THSD4: variants seen among roughly 807,000 people sequenced by gnomAD.
The protein encoded by THSD4 is thrombospondin type 1 domain containing 4.
Under a neutral mutation model 119.0 loss-of-function variants are expected in THSD4, and 69 were observed. The observed-to-expected ratio is 0.58, with a 90% confidence interval of 0.48 to 0.71. The LOEUF (loss-of-function observed/expected upper bound fraction) is 0.71, where lower values mean the gene tolerates loss of function less well. Among genes scored for constraint, THSD4 ranks in the 30% least tolerant of loss-of-function variants. The pLI is 0.00. For missense variants in THSD4, 1,393 were observed against 1,391.1 expected (o/e 1.00, Z -0.02); for synonymous variants, 524 against 540.4 (o/e 0.97, Z 0.42).
intron 9 of THSD4, chr15:71,729,340 C>G (rs1431493985): frequency 6.6e-6 from 1 of 152,298 alleles, no homozygotes; most frequent in Non-Finnish European, 1.5e-5. Flanking sequence ...CAAAGGAAAC[C>G]ACTAGAATTC....
chr15:71,711,705 T>G (rs1338651001), intron 8 of THSD4, among the ~76,000 whole-genome samples: 1 of 152,000 alleles, frequency 6.6e-6, no homozygotes, highest in Non-Finnish European at 1.5e-5. Flanking sequence ...GGAAACACAT[T>G]TTTGAAAAGA....
chr15:71,654,407 T>C (rs2051149345), intron 7 of THSD4, among the ~76,000 whole-genome samples: 1 of 152,242 alleles, frequency 6.6e-6, no homozygotes, highest in Non-Finnish European at 1.5e-5. Flanking sequence ...ATAGATTAAC[T>C]GTTTCCTTAT....
chr15:71,716,561 G>GGTGTGTGCGTGTGTGTGTGT (rs2052612100), intron 8 of THSD4, among the ~76,000 whole-genome samples: 1 of 144,564 alleles, frequency 6.9e-6, no homozygotes, highest in Non-Finnish European at 1.5e-5. Flanking sequence ...TAGAGTGTGG[G>GGTGTGTGCGTGTGTGTGTGT]GTGTGTGTGT....
intron 7 of THSD4, among the ~76,000 whole-genome samples, chr15:71,563,855 G>A (rs111572276): frequency 1.7e-4 from 26 of 152,006 alleles, no homozygotes; most frequent in African/African-American, 4.3e-4. Context: ...TGACAAATGC[G>A]TATTGAGGCC....
chr15:71,112,695 GCT>G (rs2040315768), upstream of THSD4, among the ~76,000 whole-genome samples: 1 of 152,164 alleles, frequency 6.6e-6, no homozygotes, highest in Admixed American at 6.6e-5. Context: ...CATATTCTTG[GCT>G]CTCTCTTTCG....
chr15:71,333,562 G>A (rs1336554351), intron 6 of THSD4, among the ~76,000 whole-genome samples: 2 of 152,144 alleles, frequency 1.3e-5, no homozygotes, highest in Non-Finnish European at 2.9e-5. Flanking sequence ...GATTTGAGTG[G>A]CTGGCAACTG....
upstream of THSD4, chr15:71,112,404 G>A (rs1030957419): frequency 5.6e-6 from 3 of 540,438 alleles, no homozygotes; most frequent in Admixed American, 8.1e-5. Context: ...ACACATGACA[G>A]AAGAGTTATG....
At chr15:71,565,042 A>G (rs1314067293) in intron 7 of THSD4, among the ~76,000 whole-genome samples, 1 of 152,172 alleles carries the variant, frequency 6.6e-6, no homozygotes, top group African/African-American at 2.4e-5. Flanking sequence ...AACAAAAAAC[A>G]ACAACCAAAA....
intron 6 of THSD4, among the ~76,000 whole-genome samples, chr15:71,371,313 C>T (rs1010630792): frequency 1.3e-5 from 2 of 152,120 alleles, no homozygotes; most frequent in African/African-American, 4.8e-5. Flanking sequence ...GAATTTGATC[C>T]TGTCATTATG....
At chr15:71,217,604 C>T (rs544161548) in intron 4 of THSD4, among the ~76,000 whole-genome samples, 1 of 146,830 alleles carries the variant, frequency 6.8e-6, no homozygotes, top group Admixed American at 6.9e-5. Context: ...GCCTGGGCAA[C>T]AGAGAGAGAC....
At chr15:71,698,101 T>C (rs578249819) in intron 8 of THSD4, among the ~76,000 whole-genome samples, 36 of 152,162 alleles carry the variant, frequency 2.4e-4, no homozygotes, top group Non-Finnish European at 5.9e-5. Context: ...CTGGGGGCTA[T>C]GTGGCACACT....
intron 6 of THSD4, among the ~76,000 whole-genome samples, chr15:71,285,165 A>C (rs1264176352): frequency 1.3e-5 from 2 of 152,204 alleles, no homozygotes; most frequent in African/African-American, 4.8e-5. Context: ...ATTAAATATT[A>C]CTCCATTAAA....
intron 8 of THSD4, among the ~76,000 whole-genome samples, chr15:71,665,547 G>A (rs778744123): frequency 2.6e-5 from 4 of 152,106 alleles, no homozygotes; most frequent in Non-Finnish European, 5.9e-5. Context: ...ATTGCTTTTA[G>A]CATCTTCATC....
At chr15:71,251,991 A>C (rs1236797401) in intron 5 of THSD4, among the ~76,000 whole-genome samples, 1 of 152,226 alleles carries the variant, frequency 6.6e-6, no homozygotes, top group Non-Finnish European at 1.5e-5. Context: ...TTAAAAGTCC[A>C]GTGGAAACAT....
At chr15:71,365,131 T>TTTTGTG (rs147188266) in intron 6 of THSD4, among the ~76,000 whole-genome samples, 1 of 135,822 alleles carries the variant, frequency 7.4e-6, no homozygotes, top group Non-Finnish European at 1.6e-5. Context: ...GCCCCCCCCA[T>TTTTGTG]TGTGTGTGTG....
intron 7 of THSD4, among the ~76,000 whole-genome samples, chr15:71,549,230 C>T (rs570830097): frequency 2.7e-4 from 41 of 152,172 alleles, no homozygotes; most frequent in Non-Finnish European, 4.6e-4. Flanking sequence ...CTAGAAAACC[C>T]GATCAGAGGT....
At chr15:71,378,805 G>T (rs1428110716) in intron 6 of THSD4, among the ~76,000 whole-genome samples, 1 of 151,966 alleles carries the variant, frequency 6.6e-6, no homozygotes, top group Non-Finnish European at 1.5e-5. Flanking sequence ...TTTTTTTGAG[G>T]CAGGGTCTCA....
intron 3 of THSD4, among the ~76,000 whole-genome samples, chr15:71,206,030 T>C (rs2140242586): frequency 6.6e-6 from 1 of 152,254 alleles, no homozygotes; most frequent in Non-Finnish European, 1.5e-5. Flanking sequence ...CTCCCATCTG[T>C]TCTTCATAGA....
chr15:71,508,821 G>A (rs1042812091), intron 7 of THSD4, among the ~76,000 whole-genome samples: 13 of 149,478 alleles, frequency 8.7e-5, no homozygotes, highest in Non-Finnish European at 1.5e-4. Flanking sequence ...CAAAAATTCT[G>A]TGTAAGTTTT....
Sources: gnomAD v4.1 joint callset for allele counts (sites outside exome capture counted in the v4.1 genomes callset) on GRCh38, gnomAD v4.1.1 for gene constraint, MANE v1.5 for transcripts, NCBI Gene and HGNC (gene_info 2026-07-23, HGNC 2026-07-21) for gene names.